The following TJP3 variants were observed in gnomAD, a reference collection of about 807,000 sequenced individuals.
TJP3 encodes the protein tight junction protein ZO-3.
A neutral mutation model predicts 104.2 loss-of-function variants in TJP3; 85 were observed. The observed-to-expected ratio is 0.82, with a 90% CI of 0.68 to 0.98. The LOEUF is 0.98. TJP3 is among the 50% of genes least tolerant of loss of function. TJP3 has a pLI of 0.00. For synonymous variants in TJP3, 550 were observed against 550.6 expected (o/e 1.00, Z 0.02); for missense variants, 1,367 against 1,322.8 (o/e 1.03, Z -0.52).
At position 3,746,726 on chromosome 19, in the gene TJP3, G is replaced by A. The variant is rs752880920; in HGVS notation, c.2221+31G>A. 163 of 1,600,890 alleles carry A rather than the reference G, an allele frequency of 1.0e-4. No homozygotes were observed. The highest frequency in any genetic ancestry group is 1.3e-4 in the Non-Finnish European group (156 of 1,173,860). On this transcript the variant is annotated intron_variant, in intron 17 of 20. Coordinates refer to ENST00000541714, the MANE Select transcript of TJP3 (RefSeq NM_001267560.2). The surrounding 1 kb of genome is among the most constrained non-coding windows in gnomAD (Gnocchi z 4.1). ...GGGGTGGGTGTCCCAGGGTAGGCGG[G>A]TGGGCCCCAGCCTGAGTCTCCTGCA...
chr19:3,715,134 G>A (rs1196785692), intron 1 of TJP3, among the ~76,000 whole-genome samples: 1 of 149,642 alleles, frequency 6.7e-6, no homozygotes, highest in Non-Finnish European at 1.5e-5. Context: ...CTGTCGCCCA[G>A]GCTGGAGCGC....
Position 3,736,335 on chromosome 19 carries a change from G to A in TJP3, c.1284+14G>A, listed in dbSNP as rs757913927. On this transcript the variant is annotated intron_variant, in intron 11 of 20. Coordinates refer to ENST00000541714, the MANE Select transcript of TJP3 (RefSeq NM_001267560.2). ...CAGATTCTGCAGGTGCTCCGGGGGC[G>A]GCTGGCCAGCCCCACTGATCATGGG... 5.1e-5 allele frequency: 77 copies of A among 1,517,846 alleles called. 1 individual carries two copies. Among genetic ancestry groups the A allele is most frequent in the African/African-American group, 1.2e-4 (9 of 72,082 alleles). 94.0% of individuals were successfully genotyped at this position (1,517,846 alleles called of 1,614,324 possible).
intron 13 of TJP3, 68 bp downstream of exon 13, chr19:3,739,202 C>T (rs978568194): frequency 1.0e-5 from 14 of 1,405,398 alleles, no homozygotes; most frequent in African/African-American, 1.4e-5. Flanking sequence ...TAGAAATGGG[C>T]TCGATTGGGC....
In TJP3 at chr19:3,716,989, G is replaced by A. The variant is rs1300506159; in HGVS notation, c.-10+8428G>A. Among the ~76,000 whole-genome samples the A allele has an allele frequency of 1.5e-4, 19 of 130,062 alleles. 1 individual carries two copies. The highest frequency in any genetic ancestry group is 4.9e-4 in the African/African-American group (18 of 36,906). 85.3% of individuals were successfully genotyped at this position (130,062 alleles called of 152,430 possible). A position where few individuals can be genotyped will look rare whatever the true frequency, so the allele number is the denominator to read the frequency against. ...GACTTTTTTTTTTTTTTTTGAGACG[G>A]AGTTTCGCTCTTGTTGCCCAGGCTG... On this transcript the variant is annotated intron_variant, in intron 1 of 20. Coordinates refer to ENST00000541714, the MANE Select transcript of TJP3 (RefSeq NM_001267560.2).
intron 11 of TJP3, among the ~76,000 whole-genome samples, chr19:3,737,296 C>T (rs541131759): frequency 3.7e-4 from 53 of 144,576 alleles, no homozygotes; most frequent in African/African-American, 1.2e-3. Context: ...AGCCTCATTG[C>T]CTATGTCATG....
rs768585272 is a variant in TJP3, at chr19:3,747,868, C to T, written c.2397C>T (p.Cys799=). ...CCGACAGCTCCGCTGACCTCAGCTG[C>T]GACAGCCGCGTTAACAGCGACTACG... ...GLADSSADLS[C]DSRVNSDYET... is the part of the protein sequence containing the mutation. The change falls in exon 19 of 21, where the codon TGC becomes TGT. Residue 799 remains cysteine, a synonymous_variant. Transcript: ENST00000541714. The T allele has an allele frequency of 1.8e-5, 29 of 1,612,450 alleles. No homozygotes were observed. The highest frequency in any genetic ancestry group is 1.7e-4 in the Middle Eastern group (1 of 5,820).
At chr19:3,709,538 A>T (rs1026373325) in intron 1 of TJP3, among the ~76,000 whole-genome samples, 4 of 152,136 alleles carry the variant, frequency 2.6e-5, no homozygotes, top group African/African-American at 9.7e-5. Flanking sequence ...AAATGGGAAG[A>T]CCAAGGGAGC....
intron 1 of TJP3, among the ~76,000 whole-genome samples, chr19:3,723,898 T>A (rs1328313715): frequency 2.0e-5 from 3 of 151,646 alleles, no homozygotes; most frequent in Non-Finnish European, 2.9e-5. Context: ...CAGGGAGGAC[T>A]TCCTGAGGAG....
chr19:3,708,755 T>A (rs1454255067), intron 1 of TJP3, among the ~76,000 whole-genome samples, 194 bp downstream of exon 1: 1 of 152,074 alleles, frequency 6.6e-6, no homozygotes, highest in African/African-American at 2.4e-5. Flanking sequence ...TGACCGGCAG[T>A]TACTGCACCT....
At chr19:3,731,454 G>A (rs2036669697) in intron 5 of TJP3, among the ~76,000 whole-genome samples, 1 of 152,056 alleles carries the variant, frequency 6.6e-6, no homozygotes, top group African/African-American at 2.4e-5. Flanking sequence ...CCACTATGAT[G>A]AAACCCCATC....
At chr19:3,733,152 C>T (rs747433259) in intron 6 of TJP3, among the ~76,000 whole-genome samples, 45 of 152,108 alleles carry the variant, frequency 3.0e-4, no homozygotes, top group Non-Finnish European at 5.6e-4. Flanking sequence ...TCTCCTGTCT[C>T]AGTCTCCTGA....
In TJP3 at chr19:3,730,682, C is replaced by A; in HGVS notation, c.589C>A (p.Leu197Met). 1 of 1,609,468 alleles carries A rather than the reference C, an allele frequency of 6.2e-7. No homozygotes were observed. Among genetic ancestry groups the A allele is most frequent in the South Asian group, 1.1e-5 (1 of 91,078 alleles). The change falls in exon 5 of 21, where the codon CTG becomes ATG. Residue 197 changes from leucine to methionine, a missense_variant. Transcript: ENST00000541714. The surrounding 1 kb of genome is among the most constrained non-coding windows in gnomAD (Gnocchi z 7.3). ...GCAGATGAAGCCTGTGAAGTCAGTG[C>A]TGGTGAAGAGGAGAGACAGCGAAGG... ...DVQMKPVKSV[L>M]VKRRDSEEFG...
At chr19:3,725,314 C>T (rs570780646) in intron 1 of TJP3, among the ~76,000 whole-genome samples, 53 of 151,856 alleles carry the variant, frequency 3.5e-4, no homozygotes, top group Non-Finnish European at 6.8e-4. Context: ...AGCCAGAGAA[C>T]AGGGCAGGCT....
At chr19:3,741,384 T>A (rs11880343) in intron 14 of TJP3, among the ~76,000 whole-genome samples, 1 of 151,754 alleles carries the variant, frequency 6.6e-6, no homozygotes, top group South Asian at 2.1e-4. Context: ...GCAGGAAGAT[T>A]GCTTGAGCTT....
intron 1 of TJP3, chr19:3,721,606 C>G: frequency 3.7e-6 from 1 of 273,884 alleles, no homozygotes. Context: ...ATAACCCGGC[C>G]TGGAGTTTCC....
chr19:3,716,803 T>TATATATA (rs1342695421), intron 1 of TJP3, among the ~76,000 whole-genome samples: 5 of 82,504 alleles, frequency 6.1e-5, no homozygotes, highest in African/African-American at 2.0e-4. Context: ...ATATATATAT[T>TATATATA]TTTTTTTTTT....
At chr19:3,710,429 G>A (rs951211196) in intron 1 of TJP3, among the ~76,000 whole-genome samples, 9 of 152,192 alleles carry the variant, frequency 5.9e-5, no homozygotes, top group African/African-American at 2.2e-4. Flanking sequence ...TGGTGGCGGG[G>A]GTGGTGCTCT....
intron 13 of TJP3, among the ~76,000 whole-genome samples, chr19:3,740,060 C>T (rs1046850935): frequency 1.6e-4 from 24 of 152,042 alleles, no homozygotes; most frequent in African/African-American, 5.6e-4. Flanking sequence ...GGTGAAACCC[C>T]ATCCCTACTA....
At chr19:3,725,474 T>C (rs1300614193) in intron 1 of TJP3, among the ~76,000 whole-genome samples, 1 of 152,008 alleles carries the variant, frequency 6.6e-6, no homozygotes, top group Admixed American at 6.6e-5. Context: ...ATCAAGCGCC[T>C]GCTTGCAGCC....
Sources: gnomAD v4.1 joint callset for allele counts (sites outside exome capture counted in the v4.1 genomes callset) on GRCh38, gnomAD v4.1.1 for gene constraint, Gnocchi (gnomAD v3.1) non-coding constraint, MANE v1.5 for transcripts, NCBI Gene and HGNC (gene_info 2026-07-23, HGNC 2026-07-21) for gene names.